SLC13A3: variants seen among roughly 807,000 people sequenced by gnomAD.
SLC13A3 encodes the protein Na(+)/dicarboxylate cotransporter 3.
Under a neutral mutation model 59.0 loss-of-function variants are expected in SLC13A3, and 40 were observed. That is an observed-to-expected ratio of 0.68 (90% CI 0.53 to 0.88). SLC13A3 has a LOEUF of 0.88. SLC13A3 is among the 40% of genes least tolerant of loss of function. The probability of loss-of-function intolerance (pLI) is 0.00; values close to 1 mark genes in which losing one functional copy is unlikely to be tolerated. For synonymous variants in SLC13A3, 317 were observed against 330.3 expected, an observed-to-expected ratio of 0.96 and a Z score of 0.44; for missense variants, 699 against 783.2, an observed-to-expected ratio of 0.89 and a Z score of 1.28.
In SLC13A3 at chr20:46,631,861, A is replaced by G. The variant is rs1361148576; in HGVS notation, c.112-18136T>C. ...GGGGAATGATTTCCAGGCATACACA[A>G]GGCAACTTTTTTCCTACTGCCCCCC... is the stretch of plus-strand genomic sequence containing the variant. On this transcript the variant is annotated intron_variant, in intron 1 of 12. Transcript: ENST00000279027. Among the ~76,000 whole-genome samples, 6 of 152,252 alleles carry G rather than the reference A, an allele frequency of 3.9e-5. No individual in the cohort carries two copies. The East Asian group carries it at 9.7e-4, about 25-fold the overall frequency.
chr20:46,651,493 G>GGGGGAGGGTC (rs2062952200), upstream of SLC13A3: 1 of 1,356,496 alleles, frequency 7.4e-7, no homozygotes, highest in Admixed American at 4.1e-5. Context: ...CTTAAAGCCT[G>GGGGGAGGGTC]GGGGAGGGTC....
chr20:46,628,190 C>T (rs915438700), intron 1 of SLC13A3, among the ~76,000 whole-genome samples: 1 of 152,176 alleles, frequency 6.6e-6, no homozygotes, highest in African/African-American at 2.4e-5. Flanking sequence ...CGAGGCACTG[C>T]TCCTTTCAAT....
chr20:46,667,804 TTC>T, intron 1 of SLC13A3, among the ~76,000 whole-genome samples: 1 of 152,346 alleles, frequency 6.6e-6, no homozygotes, highest in East Asian at 1.9e-4. Context: ...CAGTGAGCAA[TTC>T]TCTTGGCATC....
intron 1 of SLC13A3, among the ~76,000 whole-genome samples, chr20:46,636,815 T>A (rs6094406): frequency 2.0e-4 from 2 of 9,764 alleles, no homozygotes; most frequent in African/African-American, 0.012. Flanking sequence ...TCTTTTTTTC[T>A]TTTTTTTTTG....
chr20:46,660,210 A>C (rs1293579791), intron 1 of SLC13A3, among the ~76,000 whole-genome samples: 1 of 152,192 alleles, frequency 6.6e-6, no homozygotes, highest in Non-Finnish European at 1.5e-5. Flanking sequence ...CTTCCTGCAG[A>C]TCCAGGATCA....
At chr20:46,667,886 CT>C (rs1411696978) in intron 1 of SLC13A3, among the ~76,000 whole-genome samples, 3 of 152,292 alleles carry the variant, frequency 2.0e-5, no homozygotes, top group East Asian at 1.9e-4. Flanking sequence ...CAATTTCAAA[CT>C]TTTTTTATGA....
At chr20:46,585,550 C>T (rs1357263431) in intron 8 of SLC13A3, 2 of 1,040,748 alleles carry the variant, frequency 1.9e-6, no homozygotes, top group Admixed American at 5.6e-5. Context: ...AAAATGCACC[C>T]ATTTTAAGGG....
intron 1 of SLC13A3, among the ~76,000 whole-genome samples, chr20:46,622,104 G>A (rs945391501): frequency 8.5e-5 from 13 of 152,194 alleles, no homozygotes; most frequent in East Asian, 1.9e-4. Flanking sequence ...TCTTGTTCAC[G>A]TCTGTGTCCC....
rs749213173 is a variant in SLC13A3, at chr20:46,599,971, G to A, written c.608C>T (p.Ala203Val). The change falls in exon 4 of 13, where the codon GCC becomes GTC. Residue 203 changes from alanine to valine, a missense_variant and splice_region_variant. Coordinates refer to ENST00000279027, the MANE Select transcript of SLC13A3 (RefSeq NM_022829.6). ...TEMQFLASTEAKDHPGETEVP... is the reference protein window; with the variant it reads ...TEMQFLASTEVKDHPGETEVP... ...TCTATGAATTTCACCAGTAACTTAC[G>A]CTTCTGTGCTGGCGAGAAACTGCAT... The A allele has an allele frequency of 9.0e-6, 14 of 1,563,120 alleles. No individual in the cohort carries two copies. In the South Asian group the frequency reaches 1.3e-4, roughly 14 times the overall value.
At chr20:46,653,485 G>A (rs2062965930), upstream of SLC13A3, among the ~76,000 whole-genome samples, 1 of 152,036 alleles carries the variant, frequency 6.6e-6, no homozygotes, top group African/African-American at 2.4e-5. Context: ...AAAAACCATG[G>A]CTTCAGGCTG....
At chr20:46,577,903 A>G (rs886801846) in intron 9 of SLC13A3, among the ~76,000 whole-genome samples, 1 of 152,218 alleles carries the variant, frequency 6.6e-6, no homozygotes, top group African/African-American at 2.4e-5. Context: ...CTTCCCTCGG[A>G]GACTTACTGG....
At chr20:46,669,870 T>C (rs2122929398) in intron 1 of SLC13A3, among the ~76,000 whole-genome samples, 1 of 152,326 alleles carries the variant, frequency 6.6e-6, no homozygotes, top group South Asian at 2.1e-4. Flanking sequence ...AAGTGCCTTT[T>C]AACTTAGGAT....
intron 1 of SLC13A3, among the ~76,000 whole-genome samples, chr20:46,649,812 G>C (rs994158527): frequency 2.6e-5 from 4 of 152,066 alleles, no homozygotes; most frequent in African/African-American, 9.7e-5. Flanking sequence ...CTTCCACGTC[G>C]AGAAAGTCTA....
intron 1 of SLC13A3, among the ~76,000 whole-genome samples, chr20:46,619,869 C>T (rs899573118): frequency 7.2e-5 from 11 of 152,174 alleles, no homozygotes; most frequent in South Asian, 4.1e-4. Context: ...AACAGCACAG[C>T]GGTTAAGAAC....
intron 1 of SLC13A3, among the ~76,000 whole-genome samples, chr20:46,638,436 G>C (rs2745726): frequency 6.6e-6 from 1 of 152,150 alleles, no homozygotes; most frequent in African/African-American, 2.4e-5. Context: ...GGCCGTGGGC[G>C]GCGGCGAACA....
At chr20:46,648,545 C>T (rs1250430072) in intron 1 of SLC13A3, among the ~76,000 whole-genome samples, 2 of 151,992 alleles carry the variant, frequency 1.3e-5, no homozygotes, top group Admixed American at 6.6e-5. Context: ...TAAAGGGTCC[C>T]CACAAGGGAA....
chr20:46,646,584 G>T (rs1023413227), intron 1 of SLC13A3, among the ~76,000 whole-genome samples: 9 of 152,072 alleles, frequency 5.9e-5, no homozygotes, highest in Non-Finnish European at 1.3e-4. Flanking sequence ...GAAATTCAAG[G>T]TTTCCAGCCC....
chr20:46,613,775 G>A (rs1231527929), intron 1 of SLC13A3, 50 bp from the exon 2 acceptor site: 1 of 1,520,850 alleles, frequency 6.6e-7, no homozygotes, highest in Non-Finnish European at 8.9e-7. Flanking sequence ...CGGGGCAGAA[G>A]GGGAAGGAGG....
In SLC13A3 at chr20:46,613,501, G is replaced by T. The variant is rs200268336; in HGVS notation, c.336C>A (p.Ile112=). Residue 112 remains isoleucine, a synonymous_variant, in exon 2 of 13, where the codon ATC becomes ATA. Transcript: ENST00000279027. ...AIEEWNLHRR[I]ALKILMLVGV... ...CAACAAGCATCAGGATCTTGAGGGC[G>T]ATTCGCCGGTGCAGGTTCCACTCCT... is the stretch of plus-strand genomic sequence containing the variant. 45 of 1,610,134 alleles carry T rather than the reference G, an allele frequency of 2.8e-5. No individual in the cohort carries two copies. The highest frequency in any genetic ancestry group is 3.3e-4 in the Middle Eastern group (2 of 6,032).
Sources: gnomAD v4.1 joint callset for allele counts (sites outside exome capture counted in the v4.1 genomes callset) on GRCh38, gnomAD v4.1.1 for gene constraint, MANE v1.5 for transcripts, NCBI Gene and HGNC (gene_info 2026-07-23, HGNC 2026-07-21) for gene names.